The following PPP1R26 variants were observed in gnomAD, a reference collection of about 807,000 sequenced individuals.
The protein encoded by PPP1R26 is protein phosphatase 1 regulatory subunit 26.
In PPP1R26, 22 loss-of-function variants were observed where a neutral mutation model predicts 67.6. The ratio of observed to expected loss-of-function variants is 0.33; its 90% CI spans 0.23 to 0.46. The LOEUF is 0.46. PPP1R26 is among the 20% of genes least tolerant of loss of function. The pLI, the probability that PPP1R26 is intolerant of heterozygous loss-of-function variation, is 1.00. For synonymous variants in PPP1R26, 729 were observed against 717.2 expected, an observed-to-expected ratio of 1.02 and a Z score of -0.26; for missense variants, 1,602 against 1,651.4, an observed-to-expected ratio of 0.97 and a Z score of 0.52.
chr9:135,487,323 C>A lies in PPP1R26; in HGVS notation c.2813C>A (p.Pro938Gln). The A allele has an allele frequency of 6.4e-7, 1 of 1,553,756 alleles. No individual in the cohort carries two copies. Among genetic ancestry groups the A allele is most frequent in the Non-Finnish European group, 8.7e-7 (1 of 1,152,278 alleles). The change falls in exon 4 of 4, where the codon CCG becomes CAG. Residue 938 changes from proline (P) to glutamine (Q), a missense_variant. Pro to Gln is a moderately conservative substitution (Grantham distance 76). Transcript: ENST00000356818. Reference sequence around the variant, plus strand: ...GCTCCTGCCCGAGGGGATCCGGTGCCGCCCAGGAGCACCAGCGGCGGTGTC... The same window carrying A: ...GCTCCTGCCCGAGGGGATCCGGTGCAGCCCAGGAGCACCAGCGGCGGTGTC... Reference protein sequence around the residue: ...PAAPARGDPVPPRSTSGGVSA... With the variant: ...PAAPARGDPVQPRSTSGGVSA...
Position 135,488,070 on chromosome 9 carries a change from G to A in PPP1R26, c.3560G>A (p.Gly1187Asp), listed in dbSNP as rs1433372883. 7 of 1,585,334 alleles carry A rather than the reference G, an allele frequency of 4.4e-6. No individual in the cohort carries two copies. The highest frequency in any genetic ancestry group is 6.0e-6 in the Non-Finnish European group (7 of 1,167,334). ...NRDDQEQDAL[G>D]SDASDFSDTS... The stretch of plus-strand genomic sequence containing the variant: ...GATGACCAGGAGCAGGACGCCTTGG[G>A]CAGTGACGCCAGTGACTTCAGCGAC... The change falls in exon 4 of 4, where the codon GGC becomes GAC. Residue 1187 changes from glycine (G) to aspartate (D), a missense_variant. Gly to Asp is a moderately conservative substitution (Grantham distance 94). Around this residue, in one of 5 missense-constraint regions of PPP1R26, gnomAD observed 740 missense variants for 696.3 expected, o/e 1.06. Transcript: ENST00000356818.
intron 2 of PPP1R26, among the ~76,000 whole-genome samples, 168 bp downstream of exon 2, chr9:135,482,983 C>CTTTTTTTTTTTTTTTTTTTTTT (rs1360229729): frequency 1.4e-4 from 18 of 125,768 alleles, no homozygotes; most frequent in South Asian, 6.0e-4. Flanking sequence ...CTTTTTCTTT[C>CTTTTTTTTTTTTTTTTTTTTTT]TTTCTTTTTT....
In PPP1R26 at chr9:135,486,052, C is replaced by T. The variant is rs769064796; in HGVS notation, c.1542C>T (p.Ser514=). 3.1e-6 allele frequency: 5 copies of T among 1,613,200 alleles called. No individual in the cohort carries two copies. The South Asian group carries it at 3.3e-5, about 11-fold the overall frequency. ...GSLSASPLFY[S]PNVPSRSDGD... is the part of the protein sequence containing the mutation. Reference sequence around the variant, plus strand: ...TGTCCGCAAGCCCACTCTTCTACTCCCCGAACGTGCCTTCCCGCTCTGACG... The same window carrying T: ...TGTCCGCAAGCCCACTCTTCTACTCTCCGAACGTGCCTTCCCGCTCTGACG... Residue 514 remains serine (S), a synonymous_variant, in exon 4 of 4, where the codon TCC becomes TCT. Coordinates refer to ENST00000356818, the MANE Select transcript of PPP1R26 (RefSeq NM_014811.5). The surrounding 1 kb of genome is among the most constrained non-coding windows in gnomAD (Gnocchi z 6.2).
chr9:135,486,191 G>T lies in PPP1R26; in HGVS notation c.1681G>T (p.Ala561Ser). The T allele has an allele frequency of 6.2e-7, 1 of 1,613,006 alleles. No homozygotes were observed. The highest frequency in any genetic ancestry group is 8.5e-7 in the Non-Finnish European group (1 of 1,180,024). The change falls in exon 4 of 4, where the codon GCT becomes TCT. Residue 561 changes from alanine (A) to serine (S), a missense_variant. Physicochemically the swap from Ala to Ser is moderately conservative, Grantham distance 99. Around this residue, in one of 5 missense-constraint regions of PPP1R26, gnomAD observed 680 missense variants for 726.1 expected, o/e 0.94. Transcript: ENST00000356818. This position sits in a 1 kb window ranked among gnomAD's most constrained non-coding sequence, Gnocchi z 6.2. The stretch of plus-strand genomic sequence containing the variant: ...GGCCAGAGGTGAGAGCTGCCCGCAG[G>T]CTGCCCAGGGTCCACTTTTGCCGCC... ...LLARGESCPQ[A>S]AQGPLLPPGL...
At chr9:135,482,958 G>GC in intron 2 of PPP1R26, 143 bp downstream of exon 2, 1 of 385,492 alleles carries the variant, frequency 2.6e-6, no homozygotes, top group East Asian at 3.9e-5. Flanking sequence ...AGGTGGCCAG[G>GC]CTCACCTTTT....
chr9:135,479,757 TCGCCC>T (rs1830441523), upstream of PPP1R26: 2 of 132,966 alleles, frequency 1.5e-5, no homozygotes, highest in African/African-American at 5.6e-5. This position sits in a 1 kb window ranked among gnomAD's most constrained non-coding sequence, Gnocchi z 5.9. Flanking sequence ...CTTGGGGGGG[TCGCCC>T]CGCCCCCCGC....
chr9:135,481,258 T>TA (rs1830510985), intron 1 of PPP1R26, among the ~76,000 whole-genome samples: 1 of 148,436 alleles, frequency 6.7e-6, no homozygotes, highest in Non-Finnish European at 1.5e-5. Context: ...TTTTTTTTTT[T>TA]AGAGCCAGAG....
In PPP1R26 at chr9:135,486,058, C is replaced by T; in HGVS notation, c.1548C>T (p.Asn516=). Residue 516 remains asparagine (N), a synonymous_variant, in exon 4 of 4, where the codon AAC becomes AAT. Transcript: ENST00000356818. This position sits in a 1 kb window ranked among gnomAD's most constrained non-coding sequence, Gnocchi z 6.2. ...LSASPLFYSP[N]VPSRSDGDSS... ...CAAGCCCACTCTTCTACTCCCCGAA[C>T]GTGCCTTCCCGCTCTGACGGCGACA... is the stretch of plus-strand genomic sequence containing the variant. 2 of 1,613,148 alleles carry T rather than the reference C, an allele frequency of 1.2e-6. No homozygotes were observed. The highest frequency in any genetic ancestry group is 1.7e-6 in the Non-Finnish European group (2 of 1,180,048).
Position 135,486,667 on chromosome 9 carries a change from G to C in PPP1R26, c.2157G>C (p.Arg719Ser), listed in dbSNP as rs751497641. The C allele has an allele frequency of 6.2e-7, 1 of 1,608,390 alleles. No individual in the cohort carries two copies. Among genetic ancestry groups the C allele is most frequent in the South Asian group, 1.1e-5 (1 of 90,464 alleles). ...KRCREPRAAC[R>S]KKVRFSTAQT... ...GCAGGGAGCCCAGGGCTGCGTGCAG[G>C]AAGAAGGTCAGGTTCAGCACAGCCC... Residue 719 changes from arginine (R) to serine (S), a missense_variant, in exon 4 of 4, where the codon AGG becomes AGC. Arg to Ser is a moderately radical substitution (Grantham distance 110, BLOSUM62 -1). This residue lies in a region of PPP1R26 where 740 missense variants were observed against 696.3 expected (regional missense o/e 1.06). Transcript: ENST00000356818. The surrounding 1 kb of genome is among the most constrained non-coding windows in gnomAD (Gnocchi z 6.2).
At chr9:135,480,052 G>C (rs1304888085) in intron 1 of PPP1R26, 30 bp downstream of exon 1, 1 of 146,766 alleles carries the variant, frequency 6.8e-6, no homozygotes, top group African/African-American at 2.5e-5. Flanking sequence ...GGGCCGGGGG[G>C]CTCGGGGGCT....
Position 135,486,844 on chromosome 9 carries a change from G to C in PPP1R26, c.2334G>C (p.Glu778Asp). The C allele has an allele frequency of 1.9e-6, 3 of 1,611,638 alleles. No individual in the cohort carries two copies. The highest frequency in any genetic ancestry group is 2.5e-6 in the Non-Finnish European group (3 of 1,179,482). ...CCAGTGTCTTTGGCAGCACGGCAGA[G>C]AGGATGAGGCAGGAGGGTGCCGCGA... ...KPPSVFGSTA[E>D]RMRQEGAASQ... The change falls in exon 4 of 4, where the codon GAG becomes GAC. Residue 778 changes from glutamate to aspartate, a missense_variant. Transcript: ENST00000356818. The surrounding 1 kb of genome is among the most constrained non-coding windows in gnomAD (Gnocchi z 6.2).
Position 135,485,081 on chromosome 9 carries a change from G to T in PPP1R26, c.571G>T (p.Val191Leu). 6.2e-7 allele frequency: 1 copy of T among 1,611,244 alleles called. No homozygotes were observed. The highest frequency in any genetic ancestry group is 8.5e-7 in the Non-Finnish European group (1 of 1,179,314). Residue 191 changes from valine to leucine, a missense_variant, in exon 4 of 4, where the codon GTA becomes TTA. By Grantham distance (32) the Val-to-Leu change is conservative. Transcript: ENST00000356818. The surrounding 1 kb of genome is among the most constrained non-coding windows in gnomAD (Gnocchi z 7.2). ...APTALCPPKL[V>L]PGSGGGPGSQ... ...GACTGCCCTGTGTCCCCCAAAACTT[G>T]TACCTGGATCAGGTGGTGGCCCCGG...
chr9:135,483,887 C>A, intron 2 of PPP1R26, 63 bp from the exon 3 acceptor site: 1 of 398,248 alleles, frequency 2.5e-6, no homozygotes, highest in Non-Finnish European at 4.4e-6. Context: ...GTAAAAGCAG[C>A]CCTTCAAGAT....
Position 135,488,345 on chromosome 9 carries a change from T to C in PPP1R26, c.*205T>C. ...TTTTTGTAGCTTTTTGTAAATTATTTAAAGTGATGTAAAAGATATTTTTGG... is the reference window on the plus strand; with the variant it reads ...TTTTTGTAGCTTTTTGTAAATTATTCAAAGTGATGTAAAAGATATTTTTGG... On this transcript the variant is annotated 3_prime_UTR_variant, in exon 4 of 4. Transcript: ENST00000356818. 1 of 982,862 alleles carries C rather than the reference T, an allele frequency of 1.0e-6. No individual in the cohort carries two copies. The highest frequency in any genetic ancestry group is 1.3e-6 in the Non-Finnish European group (1 of 750,198). 60.9% of individuals were successfully genotyped at this position (982,862 alleles called of 1,614,324 possible). A position where few individuals can be genotyped will look rare whatever the true frequency, so the allele number is the denominator to read the frequency against.
chr9:135,487,525 C>T lies in PPP1R26; in HGVS notation c.3015C>T (p.Ser1005=), dbSNP rs771985451. ...TTCACATGGGCTGCGGGAGCCCGAGCTTCCTGACCCCCAGCCCGGGAGCGG... is the reference window on the plus strand; with the variant it reads ...TTCACATGGGCTGCGGGAGCCCGAGTTTCCTGACCCCCAGCCCGGGAGCGG... The part of the protein sequence containing the change: ...GTFHMGCGSP[S]FLTPSPGAER... Residue 1005 remains serine (S), a synonymous_variant, in exon 4 of 4, where the codon AGC becomes AGT. Transcript: ENST00000356818. 1.3e-5 allele frequency: 21 copies of T among 1,599,500 alleles called. No homozygotes were observed. The African/African-American group carries it at 2.7e-4, about 20-fold the overall frequency.
chr9:135,485,315 G>C lies in PPP1R26; in HGVS notation c.805G>C (p.Glu269Gln), dbSNP rs774650953. 1.9e-6 allele frequency: 3 copies of C among 1,613,088 alleles called. No individual in the cohort carries two copies. The South Asian group carries it at 3.3e-5, about 18-fold the overall frequency. Reference sequence around the variant, plus strand: ...CAAGTCACTCTTGAAATCCCACCAAGAGCCGCCTACAAAGGTGGTGCATCG... The same window carrying C: ...CAAGTCACTCTTGAAATCCCACCAACAGCCGCCTACAAAGGTGGTGCATCG... ...SAKSLLKSHQ[E>Q]PPTKVVHRQG... The change falls in exon 4 of 4, where the codon GAG (glutamate) becomes CAG (glutamine). Residue 269 changes from glutamate to glutamine, a missense_variant. Physicochemically the swap from Glu to Gln is conservative, Grantham distance 29. This residue lies in a region of PPP1R26 where 680 missense variants were observed against 726.1 expected (regional missense o/e 0.94). Coordinates refer to ENST00000356818, the MANE Select transcript of PPP1R26 (RefSeq NM_014811.5). The surrounding 1 kb of genome is among the most constrained non-coding windows in gnomAD (Gnocchi z 7.2).
At position 135,488,067 on chromosome 9, in the gene PPP1R26, T is replaced by G; in HGVS notation, c.3557T>G (p.Leu1186Trp). Reference sequence around the variant, plus strand: ...AGGGATGACCAGGAGCAGGACGCCTTGGGCAGTGACGCCAGTGACTTCAGC... The same window carrying G: ...AGGGATGACCAGGAGCAGGACGCCTGGGGCAGTGACGCCAGTGACTTCAGC... ...VNRDDQEQDALGSDASDFSDT... is the reference protein window; with the variant it reads ...VNRDDQEQDAWGSDASDFSDT... Residue 1186 changes from leucine (L) to tryptophan (W), a missense_variant, in exon 4 of 4, where the codon TTG becomes TGG. By Grantham distance (61) the Leu-to-Trp change is moderately conservative. Transcript: ENST00000356818. The G allele has an allele frequency of 6.3e-7, 1 of 1,587,622 alleles. No individual in the cohort carries two copies. The highest frequency in any genetic ancestry group is 1.2e-5 in the South Asian group (1 of 86,614).
intron 2 of PPP1R26, 87 bp downstream of exon 2, chr9:135,482,902 C>A: frequency 2.5e-6 from 1 of 396,566 alleles, no homozygotes; most frequent in East Asian, 3.6e-5. Flanking sequence ...ATCTGTCTCA[C>A]CCCCTGGTTA....
chr9:135,485,542 AAG>A lies in PPP1R26; in HGVS notation c.1033_1034del (p.Arg345GlufsTer24). The A allele has an allele frequency of 6.2e-7, 1 of 1,613,248 alleles. No individual in the cohort carries two copies. The highest frequency in any genetic ancestry group is 8.5e-7 in the Non-Finnish European group (1 of 1,180,024). On this transcript the variant is annotated frameshift_variant, in exon 4 of 4. Coordinates refer to ENST00000356818, the MANE Select transcript of PPP1R26 (RefSeq NM_014811.5). LOFTEE classifies it high-confidence loss of function. The surrounding 1 kb of genome is among the most constrained non-coding windows in gnomAD (Gnocchi z 7.2). ...GGATCAAAAGGAGCGCCAGCGCTGC[AAG>A]GAGGGGAAAGCGAGTCATGAGTGCG... ...GGIKRSASAA[R>X]RGKRVMSAAQ...
Sources: gnomAD v4.1 joint callset for allele counts (sites outside exome capture counted in the v4.1 genomes callset) on GRCh38, gnomAD v4.1.1 for gene constraint, gnomAD v4.1.1 regional missense constraint, Gnocchi (gnomAD v3.1) non-coding constraint, MANE v1.5 for transcripts, NCBI Gene and HGNC (gene_info 2026-07-23, HGNC 2026-07-21) for gene names.